Variants in POLL observed in about 807,000 individuals in gnomAD.
The protein encoded by POLL is DNA polymerase lambda.
Under a neutral mutation model 58.1 loss-of-function variants are expected in POLL, and 44 were observed. The ratio of observed to expected loss-of-function variants is 0.76; its 90% CI spans 0.60 to 0.97. The LOEUF (loss-of-function observed/expected upper bound fraction) is 0.97. Ranked by LOEUF, POLL falls within the 50% of genes least tolerant of loss-of-function variation. The pLI is 0.00. For missense variants in POLL, 632 were observed against 736.8 expected, an observed-to-expected ratio of 0.86 and a Z score of 1.65; for synonymous variants, 290 against 283.2, an observed-to-expected ratio of 1.02 and a Z score of -0.24.
rs771944293 is a variant in POLL at position 101,579,624 on chromosome 10, C to T, written c.1557G>A (p.Leu519=). Residue 519 remains leucine (L), a synonymous_variant, in exon 9 of 9, where the codon CTG becomes CTA. Transcript: ENST00000370162. This position sits in a 1 kb window ranked among gnomAD's most constrained non-coding sequence, Gnocchi z 4.4. ...SAHFNRSMRA[L]AKTKGMSLSE... Reference sequence around the variant, plus strand: ...ACAGACTCATGCCCTTGGTTTTGGCCAGGGCTCGCATGGAGCGGTTGAAGT... The same window carrying T: ...ACAGACTCATGCCCTTGGTTTTGGCTAGGGCTCGCATGGAGCGGTTGAAGT... The T allele has an allele frequency of 3.1e-6, 5 of 1,613,996 alleles. No individual in the cohort carries two copies. Among genetic ancestry groups the T allele is most frequent in the East Asian group, 4.5e-5 (2 of 44,876 alleles).
intron 5 of POLL, 37 bp from the exon 6 acceptor site, chr10:101,583,718 G>A: frequency 6.3e-7 from 1 of 1,586,876 alleles, no homozygotes; most frequent in Non-Finnish European, 8.6e-7. Flanking sequence ...AAAGAAGAGT[G>A]AGGAGATGGA....
chr10:101,580,335 C>G lies in POLL; in HGVS notation c.1276G>C (p.Gly426Arg). The change falls in exon 8 of 9, where the codon GGT becomes CGT. Residue 426 changes from glycine to arginine, a missense_variant. Gly to Arg is a moderately radical substitution (Grantham distance 125, BLOSUM62 -2). Transcript: ENST00000370162. The surrounding 1 kb of genome is among the most constrained non-coding windows in gnomAD (Gnocchi z 4.1). ...TGAGTGATGAGCACGTCGACATCAC[C>G]ACAGGTCGCCTTTCCCCGTCGGTAT... ...GSYRRGKATC[G>R]DVDVLITHPD... 6.2e-7 allele frequency: 1 copy of G among 1,614,074 alleles called. No homozygotes were observed. Among genetic ancestry groups the G allele is most frequent in the Non-Finnish European group, 8.5e-7 (1 of 1,179,988 alleles).
In POLL at chr10:101,585,432, T is replaced by A; in HGVS notation, c.457A>T (p.Ile153Phe). ...AGGGCCTCATGGGTGCCAGGAGGAATAGAAGCATCCTGCTCTGCCTTGCTG... is the reference window on the plus strand; with the variant it reads ...AGGGCCTCATGGGTGCCAGGAGGAAAAGAAGCATCCTGCTCTGCCTTGCTG... The part of the protein sequence containing the change: ...QPSKAEQDAS[I>F]PPGTHEALLQ... Residue 153 changes from isoleucine (I) to phenylalanine (F), a missense_variant, in exon 4 of 9, where the codon ATT (isoleucine) becomes TTT (phenylalanine). Transcript: ENST00000370162. 6 of 1,601,522 alleles carry A rather than the reference T, an allele frequency of 3.7e-6. No homozygotes were observed. The highest frequency in any genetic ancestry group is 4.3e-6 in the Non-Finnish European group (5 of 1,174,376).
At chr10:101,581,392 T>C (rs996709176) in intron 7 of POLL, 3 of 152,350 alleles carry the variant, frequency 2.0e-5, no homozygotes, top group East Asian at 1.9e-4. Context: ...CCGGACACCA[T>C]GGCTGAGTGA....
chr10:101,584,602 C>CTGG lies in POLL; in HGVS notation c.888_890dup (p.Tyr296_Gln297insHis), dbSNP rs745816379. The CTGG allele has an allele frequency of 3.2e-6, 5 of 1,544,108 alleles. No individual in the cohort carries two copies. In the African/African-American group the frequency reaches 6.9e-5, roughly 21 times the overall value. On this transcript the variant is annotated inframe_insertion and splice_region_variant, in exon 5 of 9. Coordinates refer to ENST00000370162, the MANE Select transcript of POLL (RefSeq NM_001174084.2). ...TCCTCCCACTCTAGCCCCTGGGTAC[C>CTGG]TGGTACGAGGTGACAGGCTTATGGA...
intron 3 of POLL, 91 bp from the exon 4 acceptor site, chr10:101,585,569 C>G: frequency 8.4e-7 from 1 of 1,197,328 alleles, no homozygotes; most frequent in Non-Finnish European, 1.1e-6. Flanking sequence ...CTTGGTTTCC[C>G]AGTGTGTCCA....
chr10:101,586,228 A>G (rs1392962897), intron 2 of POLL, 72 bp from the exon 3 acceptor site: 5 of 1,330,990 alleles, frequency 3.8e-6, no homozygotes, highest in Non-Finnish European at 5.3e-6. Flanking sequence ...TGGCCACGAC[A>G]TAACTTCTAA....
In POLL at chr10:101,584,773, G is replaced by A. The variant is rs377066669; in HGVS notation, c.720C>T (p.Val240=). The change falls in exon 5 of 9, where the codon GTC becomes GTT. Residue 240 remains valine (V), a synonymous_variant. Transcript: ENST00000370162. ...CCTTCTGGCTTGAGGGCTGTGCACA[G>A]ACCCACTTATCCAGGACAGCAGGGG... ...SPAPAVLDKW[V]CAQPSSQKAT... The A allele has an allele frequency of 1.2e-6, 2 of 1,612,998 alleles. No individual in the cohort carries two copies. The highest frequency in any genetic ancestry group is 2.2e-5 in the East Asian group (1 of 44,848).
intron 5 of POLL, 141 bp downstream of exon 5, chr10:101,584,461 T>G (rs941715674): frequency 4.3e-6 from 2 of 465,952 alleles, no homozygotes; most frequent in Non-Finnish European, 7.2e-6. Context: ...ATTTTGCCAA[T>G]CTGCTTTCAT....
At chr10:101,581,735 ACT>A (rs2062999431) in intron 7 of POLL, 1 of 152,222 alleles carries the variant, frequency 6.6e-6, no homozygotes, top group African/African-American at 2.4e-5. Context: ...TTCTTGGACA[ACT>A]ACAAATCTTA....
Position 101,587,611 on chromosome 10 carries a change from G to A in POLL, c.-46-205C>T. On this transcript the variant is annotated intron_variant, in intron 1 of 8. Transcript: ENST00000370162. ...GAAGTTGGAGTATTACGGGAAATGA[G>A]GGGAAGGCTGGTGCCATCGGGGGTA... is the stretch of plus-strand genomic sequence containing the variant. 4.6e-6 allele frequency: 5 copies of A among 1,076,404 alleles called. 1 individual carries two copies. The highest frequency in any genetic ancestry group is 6.2e-6 in the Non-Finnish European group (5 of 802,920). 66.7% of individuals were successfully genotyped at this position (1,076,404 alleles called of 1,614,324 possible). A position where few individuals can be genotyped will look rare whatever the true frequency, so the allele number is the denominator to read the frequency against.
chr10:101,585,836 T>G, intron 3 of POLL, 26 bp downstream of exon 3: 1 of 1,503,606 alleles, frequency 6.7e-7, no homozygotes. Context: ...AGAAAACATT[T>G]GAAAAAAAGA....
chr10:101,584,596 G>C lies in POLL; in HGVS notation c.891+6C>G. The C allele has an allele frequency of 6.5e-7, 1 of 1,539,888 alleles. No homozygotes were observed. Among genetic ancestry groups the C allele is most frequent in the African/African-American group, 1.4e-5 (1 of 72,824 alleles). On this transcript the variant is annotated splice_donor_region_variant and intron_variant, in intron 5 of 8. Transcript: ENST00000370162. ...GACCCCTCCTCCCACTCTAGCCCCT[G>C]GGTACCTGGTACGAGGTGACAGGCT...
In POLL at chr10:101,582,890, C is replaced by T. The variant is rs752071834; in HGVS notation, c.1067G>A (p.Gly356Asp). 4 of 1,614,130 alleles carry T rather than the reference C, an allele frequency of 2.5e-6. No individual in the cohort carries two copies. The highest frequency in any genetic ancestry group is 3.4e-6 in the Non-Finnish European group (4 of 1,180,026). ...TKTAQMWYQQ[G>D]FRSLEDIRSQ... The stretch of plus-strand genomic sequence containing the variant: ...GCGGATGTCTTCCAGACTTCGGAAG[C>T]CCTGGAAAAAAGCAGCCAGATGGGA... Residue 356 changes from glycine to aspartate, a missense_variant and splice_region_variant, in exon 7 of 9, where the codon GGC becomes GAC. Transcript: ENST00000370162.
At position 101,584,653 on chromosome 10, in the gene POLL, G is replaced by A; in HGVS notation, c.840C>T (p.Ala280=). The A allele has an allele frequency of 6.2e-7, 1 of 1,608,292 alleles. No homozygotes were observed. The highest frequency in any genetic ancestry group is 2.2e-5 in the East Asian group (1 of 44,770). The change falls in exon 5 of 9, where the codon GCC becomes GCT. Residue 280 remains alanine, a synonymous_variant. Coordinates refer to ENST00000370162, the MANE Select transcript of POLL (RefSeq NM_001174084.2). ...AGCTCTTGAGGGCATTGATGGCCTT[G>A]GCATAGCCCAGGGCCCTCCACTTGT... The part of the protein sequence containing the change: ...QGDKWRALGY[A]KAINALKSFH...
intron 3 of POLL, 107 bp downstream of exon 3, chr10:101,585,755 C>T (rs1589691784): frequency 9.5e-7 from 1 of 1,052,430 alleles, no homozygotes; most frequent in East Asian, 2.6e-5. Context: ...CACACCCCAC[C>T]ATGCCTGGCT....
chr10:101,585,002 T>G, intron 4 of POLL, 83 bp from the exon 5 acceptor site: 6 of 620,792 alleles, frequency 9.7e-6, no homozygotes, highest in South Asian at 3.6e-5. Context: ...ATCTTCTTTG[T>G]GCGGGGGGAG....
In POLL at chr10:101,579,588, G is replaced by A. The variant is rs2062861005; in HGVS notation, c.1593C>T (p.Ala531=). 6.8e-6 allele frequency: 11 copies of A among 1,613,902 alleles called. No individual in the cohort carries two copies. The highest frequency in any genetic ancestry group is 1.3e-5 in the African/African-American group (1 of 74,930). ...TGTTCCGGACCACAGCAGTGCTGAG[G>A]GCATGTTCTGACAGACTCATGCCCT... is the stretch of plus-strand genomic sequence containing the variant. ...KTKGMSLSEH[A]LSTAVVRNTH... Residue 531 remains alanine, a synonymous_variant, in exon 9 of 9, where the codon GCC becomes GCT. Transcript: ENST00000370162. The surrounding 1 kb of genome is among the most constrained non-coding windows in gnomAD (Gnocchi z 4.4).
chr10:101,579,657 G>A lies in POLL; in HGVS notation c.1524C>T (p.Gly508=). 6.2e-7 allele frequency: 1 copy of A among 1,613,956 alleles called. No homozygotes were observed. The stretch of plus-strand genomic sequence containing the variant: ...GCATGGAGCGGTTGAAGTGTGCAGA[G>A]CCGGTGAAGTAGAGCAGGGCACAGG... ...EFACALLYFT[G]SAHFNRSMRA... Residue 508 remains glycine (G), a synonymous_variant, in exon 9 of 9, where the codon GGC becomes GGT. Coordinates refer to ENST00000370162, the MANE Select transcript of POLL (RefSeq NM_001174084.2). The surrounding 1 kb of genome is among the most constrained non-coding windows in gnomAD (Gnocchi z 4.4).
Sources: allele counts gnomAD v4.1 joint callset, GRCh38; gene constraint gnomAD v4.1.1; non-coding constraint Gnocchi (gnomAD v3.1); transcripts MANE v1.5; gene names NCBI Gene and HGNC (gene_info 2026-07-23, HGNC 2026-07-21).